The following PHF24 variants were observed in gnomAD, a reference collection of about 807,000 sequenced individuals.
The protein encoded by PHF24 is Galpha inhibitory interacting protein.
PHF24 carries 25 observed loss-of-function variants against 42.6 expected under a neutral mutation model. The observed-to-expected ratio is 0.59, with a 90% confidence interval of 0.43 to 0.82. The LOEUF is 0.82. Among genes scored for constraint, PHF24 ranks in the 40% least tolerant of loss-of-function variants. The pLI is 0.00. For missense variants in PHF24, 470 were observed against 538.1 expected (o/e 0.87, Z 1.25); for synonymous variants, 185 against 204.8 (o/e 0.90, Z 0.83).
chr9:34,964,396 A>T (rs1408513672), intron 1 of PHF24, among the ~76,000 whole-genome samples: 2 of 152,220 alleles, frequency 1.3e-5, no homozygotes, highest in Non-Finnish European at 2.9e-5. Flanking sequence ...ATCTGAAAAC[A>T]TAAATTTTAA....
At chr9:34,883,451 T>C in the PHF24 span, among the ~76,000 whole-genome samples, 1 of 152,180 alleles carries the variant, frequency 6.6e-6, no homozygotes, top group African/African-American at 2.4e-5. Flanking sequence ...GAGAAAATTT[T>C]TACAGTCTAC....
At chr9:34,692,785 CT>C in the PHF24 span, among the ~76,000 whole-genome samples, 1,139 of 120,030 alleles carry the variant, frequency 9.5e-3, 6 homozygotes, top group African/African-American at 0.029. Context: ...TTCTTTTGTC[CT>C]TTTTTTTTTT....
chr9:34,905,569 TCTC>T, the PHF24 span, among the ~76,000 whole-genome samples: 1 of 152,306 alleles, frequency 6.6e-6, no homozygotes, highest in Admixed American at 6.5e-5. Flanking sequence ...GCTATATAAA[TCTC>T]CTGTAAAGGG....
the PHF24 span, among the ~76,000 whole-genome samples, chr9:34,776,474 A>G: frequency 6.6e-6 from 1 of 152,182 alleles, no homozygotes; most frequent in Non-Finnish European, 1.5e-5. Context: ...GGCCTAGTCT[A>G]TTGTTAAAGT....
chr9:34,814,387 C>T, the PHF24 span, among the ~76,000 whole-genome samples: 4 of 152,320 alleles, frequency 2.6e-5, no homozygotes, highest in East Asian at 3.9e-4. Context: ...CATTTCTCAG[C>T]GTTATATTTA....
the PHF24 span, among the ~76,000 whole-genome samples, chr9:34,887,121 T>A: frequency 6.6e-6 from 1 of 151,554 alleles, no homozygotes; most frequent in Non-Finnish European, 1.5e-5. Context: ...ATCCTTGACA[T>A]TTTTTTTTCT....
chr9:34,945,872 C>T, the PHF24 span, among the ~76,000 whole-genome samples: 2 of 152,220 alleles, frequency 1.3e-5, no homozygotes, highest in African/African-American at 2.4e-5. Flanking sequence ...AGAAAACTGC[C>T]ATGCTGTTTT....
At chr9:34,681,565 C>T in the PHF24 span, among the ~76,000 whole-genome samples, 2 of 152,308 alleles carry the variant, frequency 1.3e-5, no homozygotes, top group Admixed American at 6.5e-5. Flanking sequence ...AATCCCAGCC[C>T]TCTGGGAGAC....
At chr9:34,908,858 CT>C in the PHF24 span, among the ~76,000 whole-genome samples, 1 of 72,746 alleles carries the variant, frequency 1.4e-5, no homozygotes, top group Non-Finnish European at 2.9e-5. Flanking sequence ...TTTTTTTTTT[CT>C]TTTTTTGAGA....
At chr9:34,959,043 C>A (rs375506929) in intron 1 of PHF24, among the ~76,000 whole-genome samples, 1 of 152,218 alleles carries the variant, frequency 6.6e-6, no homozygotes. Flanking sequence ...CCTCCTCTTT[C>A]CCCATTCGGA....
chr9:34,977,479 C>T (rs767741096), intron 6 of PHF24, 67 bp from the exon 7 acceptor site: 2 of 1,489,814 alleles, frequency 1.3e-6, no homozygotes, highest in East Asian at 2.4e-5. Flanking sequence ...CTTGGGCTTA[C>T]CAGAGTTTGG....
chr9:34,796,682 C>G, the PHF24 span, among the ~76,000 whole-genome samples: 5 of 152,136 alleles, frequency 3.3e-5, no homozygotes. Flanking sequence ...AAGAAAGCAG[C>G]GCAACTGGAT....
chr9:34,743,005 G>T, the PHF24 span, among the ~76,000 whole-genome samples: 3 of 152,176 alleles, frequency 2.0e-5, no homozygotes, highest in Admixed American at 1.3e-4. Context: ...ACAGATGCCT[G>T]CCAGTCTAAA....
the PHF24 span, among the ~76,000 whole-genome samples, chr9:34,901,945 C>T: frequency 3.9e-5 from 6 of 152,018 alleles, no homozygotes; most frequent in African/African-American, 1.2e-4. Flanking sequence ...AAAGAAGAAA[C>T]AAGATTGTTA....
the PHF24 span, among the ~76,000 whole-genome samples, chr9:34,853,459 G>C: frequency 1.3e-5 from 2 of 152,150 alleles, no homozygotes; most frequent in African/African-American, 2.4e-5. Context: ...TTTGGTATCA[G>C]GATGGTGATG....
At chr9:34,899,274 G>A in the PHF24 span, among the ~76,000 whole-genome samples, 127 of 152,286 alleles carry the variant, frequency 8.3e-4, 2 homozygotes, top group South Asian at 0.026. Context: ...TTCTTCATTT[G>A]TTTCTAGAAA....
chr9:34,830,009 G>A, the PHF24 span, among the ~76,000 whole-genome samples: 1 of 152,226 alleles, frequency 6.6e-6, no homozygotes, highest in Non-Finnish European at 1.5e-5. Flanking sequence ...GACTGGGTCA[G>A]AAATGTGGCT....
chr9:34,922,897 T>G, the PHF24 span: 10 of 1,550,792 alleles, frequency 6.4e-6, no homozygotes, highest in Non-Finnish European at 8.8e-6. Flanking sequence ...AGTTTGGCCT[T>G]CTGAACCAGC....
the PHF24 span, among the ~76,000 whole-genome samples, chr9:34,811,481 C>T: frequency 1.3e-5 from 2 of 152,370 alleles, no homozygotes; most frequent in South Asian, 4.1e-4. Flanking sequence ...TTCTCACGTG[C>T]TCTCTTGCCC....
Sources: gnomAD v4.1 joint callset for allele counts (sites outside exome capture counted in the v4.1 genomes callset) on GRCh38, gnomAD v4.1.1 for gene constraint, MANE v1.5 for transcripts, NCBI Gene and HGNC (gene_info 2026-07-23, HGNC 2026-07-21) for gene names.